DIAPH3: variants seen among roughly 807,000 people sequenced by gnomAD.
DIAPH3 encodes diaphanous related formin 3, also known as protein diaphanous homolog 3.
Under a neutral mutation model 144.3 loss-of-function variants are expected in DIAPH3, and 117 were observed. The observed-to-expected ratio is 0.81, with a 90% confidence interval of 0.70 to 0.95. The LOEUF is 0.95. Ranked by LOEUF, DIAPH3 falls within the 40% of genes least tolerant of loss-of-function variation. DIAPH3 has a pLI of 0.00. For missense variants in DIAPH3, 1,421 were observed against 1,412.7 expected, an observed-to-expected ratio of 1.01 and a Z score of -0.09; for synonymous variants, 519 against 488.9, an observed-to-expected ratio of 1.06 and a Z score of -0.81.
In DIAPH3 at chr13:60,052,959, T is replaced by TAAAA. The variant is rs559991017; in HGVS notation, c.496-10143_496-10140dup. 5.7e-4 allele frequency among the ~76,000 whole-genome samples: 23 copies of TAAAA among 40,630 alleles called. 1 individual carries two copies. Among genetic ancestry groups the TAAAA allele is most frequent in the African/African-American group, 1.7e-3 (12 of 6,886 alleles). 26.7% of individuals were successfully genotyped at this position (40,630 alleles called of 152,430 possible). Reference sequence around the variant, plus strand: ...CTGGTGACAGAGCCAGACTCCCTCTTAAAAAAAAAAAAAAAAAAAAAGAAA... The same window carrying TAAAA: ...CTGGTGACAGAGCCAGACTCCCTCTTAAAAAAAAAAAAAAAAAAAAAAAAAGAAA... On this transcript the variant is annotated intron_variant, in intron 4 of 27. Transcript: ENST00000400324.
intron 25 of DIAPH3, among the ~76,000 whole-genome samples, chr13:59,775,403 C>T (rs1435033558): frequency 1.3e-5 from 2 of 151,978 alleles, no homozygotes. Flanking sequence ...CCACCACGCC[C>T]GGCTAATTTT....
At chr13:59,938,720 A>T (rs2048376190) in intron 17 of DIAPH3, among the ~76,000 whole-genome samples, 1 of 152,172 alleles carries the variant, frequency 6.6e-6, no homozygotes, top group South Asian at 2.1e-4. Context: ...TAGTATAAGG[A>T]GGTGAGGTTA....
intron 10 of DIAPH3, 76 bp downstream of exon 10, chr13:59,992,397 G>A (rs1192841401): frequency 8.0e-6 from 10 of 1,248,480 alleles, no homozygotes; most frequent in Non-Finnish European, 1.1e-5. Flanking sequence ...ATTCTTCAAG[G>A]TAATTTATCT....
At chr13:59,915,801 T>A (rs543808289) in intron 19 of DIAPH3, among the ~76,000 whole-genome samples, 1 of 152,134 alleles carries the variant, frequency 6.6e-6, no homozygotes, top group South Asian at 2.1e-4. Flanking sequence ...TATAATAATA[T>A]CTTCATAAGC....
intron 21 of DIAPH3, among the ~76,000 whole-genome samples, chr13:59,867,098 A>G (rs965660041): frequency 3.3e-5 from 5 of 149,262 alleles, no homozygotes; most frequent in African/African-American, 7.3e-5. Context: ...TATATTTTAA[A>G]TAATCATTGT....
chr13:59,666,526 T>C lies in DIAPH3; in HGVS notation c.*58A>G, dbSNP rs2032018936. 1.3e-6 allele frequency: 2 copies of C among 1,599,850 alleles called. No homozygotes were observed. The highest frequency in any genetic ancestry group is 1.7e-6 in the Non-Finnish European group (2 of 1,173,672). Reference sequence around the variant, plus strand: ...ATAAAAGCAATTTTTTCAAGTGTTATAGTTTAGAGCATGGCTTTATATTTG... The same window carrying C: ...ATAAAAGCAATTTTTTCAAGTGTTACAGTTTAGAGCATGGCTTTATATTTG... On this transcript the variant is annotated 3_prime_UTR_variant, in exon 28 of 28. Transcript: ENST00000400324.
At chr13:59,840,961 T>TCCC (rs35300034) in intron 22 of DIAPH3, among the ~76,000 whole-genome samples, 112,563 of 151,632 alleles carry the variant, frequency 0.74, 42,124 homozygotes, top group East Asian at 0.88. Flanking sequence ...TTTAAATTAT[T>TCCC]CCAATACCTT....
chr13:59,808,693 C>T (rs1005489627), intron 25 of DIAPH3, among the ~76,000 whole-genome samples: 1 of 151,990 alleles, frequency 6.6e-6, no homozygotes, highest in African/African-American at 2.4e-5. Flanking sequence ...ATGGCACAAC[C>T]AGTGGAATCA....
chr13:60,050,953 C>T (rs905567988), intron 4 of DIAPH3, among the ~76,000 whole-genome samples: 2 of 152,098 alleles, frequency 1.3e-5, no homozygotes, highest in African/African-American at 4.8e-5. Context: ...GTACAGCAGA[C>T]AGGAGGCTGG....
chr13:59,928,992 A>G (rs1490452437), intron 17 of DIAPH3, among the ~76,000 whole-genome samples: 1 of 152,156 alleles, frequency 6.6e-6, no homozygotes, highest in African/African-American at 2.4e-5. Context: ...AGAAGAGTGT[A>G]GCAATGTGTT....
intron 17 of DIAPH3, among the ~76,000 whole-genome samples, chr13:59,959,768 T>C (rs1170921467): frequency 6.6e-6 from 1 of 152,180 alleles, no homozygotes; most frequent in Non-Finnish European, 1.5e-5. Context: ...TGGACTTATA[T>C]AGAATTAGAA....
At chr13:59,800,882 G>A (rs1380837414) in intron 25 of DIAPH3, among the ~76,000 whole-genome samples, 1 of 152,090 alleles carries the variant, frequency 6.6e-6, no homozygotes, top group East Asian at 1.9e-4. Flanking sequence ...TGTTAAAATA[G>A]TTAATACATT....
At chr13:59,837,612 T>A (rs1023337183) in intron 23 of DIAPH3, 1 of 152,826 alleles carries the variant, frequency 6.5e-6, no homozygotes, top group African/African-American at 2.4e-5. Context: ...ATTAACAAAC[T>A]GTCACATATG....
chr13:59,980,916 T>C, intron 13 of DIAPH3, 57 bp from the exon 14 acceptor site: 1 of 1,408,952 alleles, frequency 7.1e-7, no homozygotes. Context: ...TCATTATGAC[T>C]TCAAAAGTTT....
intron 25 of DIAPH3, among the ~76,000 whole-genome samples, chr13:59,789,352 A>G (rs75026588): frequency 0.083 from 12,662 of 152,240 alleles, 667 homozygotes; most frequent in South Asian, 0.22. Flanking sequence ...AGTGAAGTTT[A>G]ACAAGCTTAA....
chr13:59,771,066 A>G (rs1052850686), intron 27 of DIAPH3, among the ~76,000 whole-genome samples: 1 of 152,132 alleles, frequency 6.6e-6, no homozygotes, highest in Non-Finnish European at 1.5e-5. Context: ...AGAATGCTTG[A>G]GGTCAGTTTG....
At position 60,054,065 on chromosome 13, in the gene DIAPH3, T is replaced by G. The variant is rs189455249; in HGVS notation, c.496-11245A>C. Among the ~76,000 whole-genome samples, 490 of 152,168 alleles carry G rather than the reference T, an allele frequency of 3.2e-3. 1 individual carries two copies. Among genetic ancestry groups the G allele is most frequent in the Admixed American group, 6.3e-3 (96 of 15,272 alleles). On this transcript the variant is annotated intron_variant, in intron 4 of 27. Transcript: ENST00000400324. The stretch of plus-strand genomic sequence containing the variant: ...CACTACTCCAATCACTGTAGACTGT[T>G]TTCCAACTCACTAAATGATACCTTA...
At chr13:60,111,925 T>A in intron 3 of DIAPH3, 85 bp downstream of exon 3, 1 of 1,392,474 alleles carries the variant, frequency 7.2e-7, no homozygotes, top group Non-Finnish European at 1.0e-6. Context: ...GGAGTATGAC[T>A]ACCAAAAATG....
At chr13:59,928,091 T>G (rs1457584440) in intron 17 of DIAPH3, among the ~76,000 whole-genome samples, 1 of 152,154 alleles carries the variant, frequency 6.6e-6, no homozygotes, top group Non-Finnish European at 1.5e-5. Flanking sequence ...ATTTTTCTTT[T>G]TTTGGTTTGT....
Sources: allele counts gnomAD v4.1 joint callset (sites outside exome capture counted in the v4.1 genomes callset), GRCh38; gene constraint gnomAD v4.1.1; transcripts MANE v1.5; gene names NCBI Gene and HGNC (gene_info 2026-07-23, HGNC 2026-07-21).